CDKL1: variants seen among roughly 807,000 people sequenced by gnomAD.
CDKL1 encodes the protein cyclin-dependent kinase-like 1.
In CDKL1, 41 loss-of-function variants were observed where a neutral mutation model predicts 42.0. The ratio of observed to expected loss-of-function variants is 0.98; its 90% confidence interval spans 0.76 to 1.27. CDKL1 has a LOEUF of 1.27. Among genes scored for constraint, CDKL1 ranks in the 50% most tolerant of loss-of-function variants. The pLI, the probability that CDKL1 is intolerant of heterozygous loss-of-function variation, is 0.00. For synonymous variants in CDKL1, 153 were observed against 158.6 expected (o/e 0.96, Z 0.26); for missense variants, 394 against 428.4 (o/e 0.92, Z 0.71).
At chr14:50,343,671 AC>A (rs1321228810) in intron 4 of CDKL1, among the ~76,000 whole-genome samples, 6 of 152,116 alleles carry the variant, frequency 3.9e-5, no homozygotes, top group Admixed American at 1.3e-4. Context: ...ATGGAGCCAA[AC>A]AGGGTGTCTG....
chr14:50,343,755 G>A (rs1178068111), intron 4 of CDKL1, among the ~76,000 whole-genome samples: 1 of 152,120 alleles, frequency 6.6e-6, no homozygotes, highest in Non-Finnish European at 1.5e-5. Flanking sequence ...CAGGGTCTTG[G>A]TGCAGTCTCT....
intron 4 of CDKL1, among the ~76,000 whole-genome samples, chr14:50,344,607 C>G (rs1460990823): frequency 6.6e-6 from 1 of 151,634 alleles, no homozygotes; most frequent in South Asian, 2.1e-4. Flanking sequence ...GTAGCCAGGA[C>G]CACAGGCACA....
intron 7 of CDKL1, chr14:50,336,185 G>GCCT: frequency 7.4e-7 from 1 of 1,358,776 alleles, no homozygotes; most frequent in Non-Finnish European, 9.8e-7. Flanking sequence ...AAGCAAGCAG[G>GCCT]CCTCCCTCTG....
rs1241308268 is a variant in CDKL1 at position 50,346,655 on chromosome 14, T to TG, written c.291-1598_291-1597insC. On this transcript the variant is annotated intron_variant, in intron 3 of 9. Transcript: ENST00000395834. ...TATTCAATAAATTAAATTTTTGGTT[T>TG]TTTTTTTTTTTTTGAGATGGAGTCT... Among the ~76,000 whole-genome samples, 204 of 126,452 alleles carry TG rather than the reference T, an allele frequency of 1.6e-3. 4 individuals are homozygous for TG. Among genetic ancestry groups the TG allele is most frequent in the Non-Finnish European group, 1.4e-3 (85 of 59,016 alleles). 83.0% of individuals were successfully genotyped at this position (126,452 alleles called of 152,430 possible).
Position 50,326,810 on chromosome 14 carries a change from G to C in CDKL1, c.*3264C>G, listed in dbSNP as rs2032722416. 2.1e-6 allele frequency: 2 copies of C among 953,006 alleles called. No individual in the cohort carries two copies. Among genetic ancestry groups the C allele is most frequent in the Non-Finnish European group, 2.5e-6 (2 of 800,514 alleles). The allele number at this position is 953,006 out of a possible 1,614,324, so 59.0% of individuals were successfully genotyped here. A position where few individuals can be genotyped will look rare whatever the true frequency, so the allele number is the denominator to read the frequency against. On this transcript the variant is annotated 3_prime_UTR_variant, in exon 10 of 10. Transcript: ENST00000395834. ...AATCCCAGTGCTTTGGGAGGCTGAG[G>C]TGGGAGGATCACTTGAGACCAGGAG...
chr14:50,362,912 G>C, intron 2 of CDKL1: 1 of 452,694 alleles, frequency 2.2e-6, no homozygotes, highest in Non-Finnish European at 4.7e-6. Context: ...TCACACTGTG[G>C]AAGCTTTGTT....
intron 2 of CDKL1, among the ~76,000 whole-genome samples, chr14:50,392,272 C>T (rs1024063882): frequency 5.3e-5 from 8 of 151,950 alleles, no homozygotes; most frequent in South Asian, 4.1e-4. Flanking sequence ...ATGGTGAAAC[C>T]CTCTCTCTAC....
At chr14:50,334,990 T>A (rs1028407076) in intron 7 of CDKL1, 5 of 204,318 alleles carry the variant, frequency 2.4e-5, no homozygotes, top group Non-Finnish European at 4.9e-5. Flanking sequence ...TTTTTGGCAT[T>A]TATAGTGTGA....
In CDKL1 at chr14:50,353,143, G is replaced by A. The variant is rs576634344; in HGVS notation, c.290+5885C>T. On this transcript the variant is annotated intron_variant, in intron 3 of 9. Transcript: ENST00000395834. Reference sequence around the variant, plus strand: ...CTCCGCCCTGATGCATTATGTGTTCGTTTCACAAAATAACTTTCAGAAAGC... The same window carrying A: ...CTCCGCCCTGATGCATTATGTGTTCATTTCACAAAATAACTTTCAGAAAGC... Among the ~76,000 whole-genome samples, 7 of 152,226 alleles carry A rather than the reference G, an allele frequency of 4.6e-5. No homozygotes were observed. The South Asian group carries it at 6.2e-4, about 14-fold the overall frequency.
intron 9 of CDKL1, chr14:50,332,027 A>G (rs575761240): frequency 1.3e-6 from 2 of 1,538,260 alleles, no homozygotes; most frequent in East Asian, 2.4e-5. Flanking sequence ...TGCAGGCTGG[A>G]AACCCTGGCC....
intron 7 of CDKL1, chr14:50,335,876 T>A: frequency 7.9e-7 from 1 of 1,266,788 alleles, no homozygotes; most frequent in Non-Finnish European, 1.0e-6. Context: ...TTGATAAGAG[T>A]AGGAGAGAAG....
chr14:50,339,045 G>C lies in CDKL1; in HGVS notation c.656-16C>G, dbSNP rs1566576579. 1 of 1,562,564 alleles carries C rather than the reference G, an allele frequency of 6.4e-7. No individual in the cohort carries two copies. On this transcript the variant is annotated splice_polypyrimidine_tract_variant and intron_variant, in intron 6 of 9. Transcript: ENST00000395834. ...ATGAGATCCCCTTTGGACAAGAAAA[G>C]AAAAAGGTAAGTGAAATTGGTTAGC...
chr14:50,367,753 G>A (rs765126696), intron 2 of CDKL1, among the ~76,000 whole-genome samples: 6 of 152,128 alleles, frequency 3.9e-5, no homozygotes, highest in East Asian at 1.9e-4. Flanking sequence ...GGTCTGGGGC[G>A]TCTGTGCTGG....
rs754522505 is a variant in CDKL1 at position 50,334,626 on chromosome 14, TGAAAA to T, written c.739-10_739-6del. 54 of 1,570,744 alleles carry T rather than the reference TGAAAA, an allele frequency of 3.4e-5. No individual in the cohort carries two copies. Among genetic ancestry groups the T allele is most frequent in the Middle Eastern group, 1.7e-4 (1 of 6,012 alleles). On this transcript the variant is annotated splice_polypyrimidine_tract_variant and splice_region_variant and intron_variant, in intron 7 of 9. Transcript: ENST00000395834. ...GAATTTTAATTCAAGTGGTTCCTGTTGAAAAGAAAAGAGGTTTTTAATTTACAGCA... is the reference window on the plus strand; with the variant it reads ...GAATTTTAATTCAAGTGGTTCCTGTTGAAAAGAGGTTTTTAATTTACAGCA...
At chr14:50,362,186 C>G (rs920549740) in intron 2 of CDKL1, 1 of 283,080 alleles carries the variant, frequency 3.5e-6, no homozygotes, top group African/African-American at 2.4e-5. Context: ...CCACCCCCAC[C>G]GTGGGCTCCT....
intron 2 of CDKL1, among the ~76,000 whole-genome samples, chr14:50,390,641 T>C (rs1175009152): frequency 6.6e-6 from 1 of 152,090 alleles, no homozygotes; most frequent in Non-Finnish European, 1.5e-5. Flanking sequence ...TTTGTTTTGG[T>C]TTGTATTACT....
At chr14:50,395,586 G>C (rs951484476) in intron 2 of CDKL1, 115 bp downstream of exon 2, 2 of 686,214 alleles carry the variant, frequency 2.9e-6, no homozygotes, top group African/African-American at 1.8e-5. Context: ...AGCATGGCTT[G>C]AGCCCAGGAG....
At chr14:50,336,950 C>T (rs1046227126) in intron 7 of CDKL1, among the ~76,000 whole-genome samples, 1 of 151,100 alleles carries the variant, frequency 6.6e-6, no homozygotes, top group Non-Finnish European at 1.5e-5. Flanking sequence ...GCATTGTGTG[C>T]ATATTACATT....
chr14:50,342,821 G>A lies in CDKL1; in HGVS notation c.364-599C>T, dbSNP rs967078224. On this transcript the variant is annotated intron_variant, in intron 4 of 9. Transcript: ENST00000395834. ...TGAGATAAGCTGGGAAGAGAAGGGT[G>A]GCAACCACAGCTTGCCAAGAGATTT... The A allele has an allele frequency of 1.1e-5, 13 of 1,156,424 alleles. No homozygotes were observed. In the African/African-American group the frequency reaches 2.0e-4, roughly 18 times the overall value. 71.6% of individuals were successfully genotyped at this position (1,156,424 alleles called of 1,614,324 possible). A position where few individuals can be genotyped will look rare whatever the true frequency, so the allele number is the denominator to read the frequency against.
Sources: allele counts gnomAD v4.1 joint callset (sites outside exome capture counted in the v4.1 genomes callset), GRCh38; gene constraint gnomAD v4.1.1; transcripts MANE v1.5; gene names NCBI Gene and HGNC (gene_info 2026-07-23, HGNC 2026-07-21).